HDAC11: variants seen among roughly 807,000 people sequenced by gnomAD.
HDAC11 encodes histone deacetylase 11.
Under a neutral mutation model 41.1 loss-of-function variants are expected in HDAC11, and 23 were observed. The observed-to-expected ratio is 0.56, with a 90% CI of 0.40 to 0.79. HDAC11 has a LOEUF of 0.79. Among genes scored for constraint, HDAC11 ranks in the 30% least tolerant of loss-of-function variants. HDAC11 has a pLI of 0.00. For synonymous variants in HDAC11, 187 were observed against 186.6 expected (o/e 1.00, Z -0.02); for missense variants, 402 against 477.3 (o/e 0.84, Z 1.47).
At chr3:13,494,083 T>C (rs1701981347) in intron 3 of HDAC11, among the ~76,000 whole-genome samples, 1 of 152,242 alleles carries the variant, frequency 6.6e-6, no homozygotes. Context: ...GCATAAGCCA[T>C]GCTTCCCAAA....
intron 3 of HDAC11, among the ~76,000 whole-genome samples, chr3:13,490,154 T>G (rs1040216861): frequency 2.7e-4 from 41 of 152,168 alleles, no homozygotes; most frequent in Non-Finnish European, 5.1e-4. Flanking sequence ...GCACCACGCC[T>G]AGCTAATTTT....
chr3:13,498,619 GCT>G, intron 5 of HDAC11, 64 bp downstream of exon 5: 2 of 1,506,710 alleles, frequency 1.3e-6, no homozygotes, highest in South Asian at 1.1e-5. Context: ...CTGAAAGGGG[GCT>G]GGGGGAGGGC....
intron 3 of HDAC11, 180 bp from the exon 4 acceptor site, chr3:13,496,556 A>G: frequency 1.8e-6 from 1 of 549,072 alleles, no homozygotes; most frequent in Non-Finnish European, 3.3e-6. Context: ...AGAGCTTGCC[A>G]GGAGCCTGGT....
intron 8 of HDAC11, chr3:13,503,366 A>G (rs190834780): frequency 3.5e-3 from 599 of 171,824 alleles, no homozygotes; most frequent in Non-Finnish European, 5.5e-3. Flanking sequence ...GGAGTTTGAG[A>G]CCAGCCTGAC....
At chr3:13,486,015 C>A (rs1701545974) in intron 3 of HDAC11, among the ~76,000 whole-genome samples, 1 of 152,082 alleles carries the variant, frequency 6.6e-6, no homozygotes. Flanking sequence ...TGCCTGTAAT[C>A]CCAGCACTTT....
intron 5 of HDAC11, among the ~76,000 whole-genome samples, chr3:13,499,548 A>C (rs559908968): frequency 1.3e-5 from 2 of 152,344 alleles, no homozygotes; most frequent in Admixed American, 1.3e-4. Context: ...CCATGGAAAG[A>C]TGCGTACTGG....
intron 3 of HDAC11, among the ~76,000 whole-genome samples, chr3:13,493,060 C>T (rs1701937087): frequency 6.6e-6 from 1 of 152,212 alleles, no homozygotes; most frequent in African/African-American, 2.4e-5. Context: ...AGTGCCCTTG[C>T]CCAGGGCGAG....
At chr3:13,500,382 C>T (rs56169648) in intron 5 of HDAC11, among the ~76,000 whole-genome samples, 3,312 of 152,304 alleles carry the variant, frequency 0.022, 38 homozygotes, top group African/African-American at 0.031. Flanking sequence ...TACCACCACT[C>T]CTTCCTGGAG....
In HDAC11 at chr3:13,480,762, G is replaced by T. The variant is rs1184438572; in HGVS notation, c.2+413G>T. ...CGGGGTCAGGGGATCCCCGCCCCCC[G>T]CCCTGGCTCAGGTTGGGTCCCGACT... On this transcript the variant is annotated intron_variant, in intron 1 of 9. Coordinates refer to ENST00000295757, the MANE Select transcript of HDAC11 (RefSeq NM_024827.4). The surrounding 1 kb of genome is among the most constrained non-coding windows in gnomAD (Gnocchi z 4.6). 1 of 468,874 alleles carries T rather than the reference G, an allele frequency of 2.1e-6. No individual in the cohort carries two copies. The highest frequency in any genetic ancestry group is 7.2e-5 in the East Asian group (1 of 13,942). The allele number at this position is 468,874 out of a possible 1,614,324, so 29.0% of individuals were successfully genotyped here. A position where few individuals can be genotyped will look rare whatever the true frequency, so the allele number is the denominator to read the frequency against.
Position 13,484,533 on chromosome 3 carries a change from A to ATT in HDAC11, c.252+978_252+979dup, listed in dbSNP as rs5846808. Among the ~76,000 whole-genome samples, 178 of 150,050 alleles carry ATT rather than the reference A, an allele frequency of 1.2e-3. 2 individuals are homozygous for ATT. In the East Asian group the frequency reaches 0.033, roughly 28 times the overall value. The stretch of plus-strand genomic sequence containing the variant: ...CCAGATTATTAAGTGACATTTCCTG[A>ATT]TTTTTTTTTTGAGACTGAGTCTCGC... On this transcript the variant is annotated intron_variant, in intron 3 of 9. Coordinates refer to ENST00000295757, the MANE Select transcript of HDAC11 (RefSeq NM_024827.4).
At chr3:13,496,061 G>A (rs1251611475) in intron 3 of HDAC11, among the ~76,000 whole-genome samples, 2 of 152,214 alleles carry the variant, frequency 1.3e-5, no homozygotes, top group African/African-American at 4.8e-5. Context: ...ATGGCTTGGG[G>A]TTTGGGTTCA....
At chr3:13,498,466 G>T in intron 4 of HDAC11, 47 bp from the exon 5 acceptor site, 1 of 1,611,514 alleles carries the variant, frequency 6.2e-7, no homozygotes, top group South Asian at 1.1e-5. Context: ...ATGAATGACT[G>T]GTGGATCGGC....
chr3:13,502,961 A>T lies in HDAC11; in HGVS notation c.630A>T (p.Pro210=), dbSNP rs1202021455. 1 of 1,613,618 alleles carries T rather than the reference A, an allele frequency of 6.2e-7. No individual in the cohort carries two copies. The highest frequency in any genetic ancestry group is 2.2e-5 in the East Asian group (1 of 44,856). ...IMDVYNRHIY[P]GDRFAKQAIR... ...ATGTCTACAACCGCCACATCTACCC[A>T]GGGGACCGCTTTGCCAAGCGTAAGC... Residue 210 remains proline (P), a synonymous_variant, in exon 8 of 10, where the codon CCA becomes CCT. Transcript: ENST00000295757. This position sits in a 1 kb window ranked among gnomAD's most constrained non-coding sequence, Gnocchi z 4.1.
At chr3:13,485,477 A>T (rs1237137765) in intron 3 of HDAC11, among the ~76,000 whole-genome samples, 1 of 152,174 alleles carries the variant, frequency 6.6e-6, no homozygotes, top group Non-Finnish European at 1.5e-5. Flanking sequence ...AAACCAAAAC[A>T]GAATGGTGTG....
chr3:13,495,361 A>G (rs1174150293), intron 3 of HDAC11, among the ~76,000 whole-genome samples: 1 of 151,956 alleles, frequency 6.6e-6, no homozygotes, highest in East Asian at 1.9e-4. Context: ...TGGCTGCCCC[A>G]GGGGCTGACT....
chr3:13,494,978 C>G (rs994929906), intron 3 of HDAC11, among the ~76,000 whole-genome samples: 1 of 152,076 alleles, frequency 6.6e-6, no homozygotes, highest in Non-Finnish European at 1.5e-5. Context: ...CCTGGCCACC[C>G]TCTCCCTGCC....
At chr3:13,482,187 C>T (rs745519363) in intron 2 of HDAC11, among the ~76,000 whole-genome samples, 6 of 152,260 alleles carry the variant, frequency 3.9e-5, no homozygotes, top group South Asian at 4.1e-4. Flanking sequence ...AATGATGCTT[C>T]GAAGAGCATA....
Position 13,480,729 on chromosome 3 carries a change from C to A in HDAC11, c.2+380C>A. ...GCCAGGGTGTGATGGGAAGGGTTAG[C>A]AGCGCAGCGGGGTCAGGGGATCCCC... On this transcript the variant is annotated intron_variant, in intron 1 of 9. Coordinates refer to ENST00000295757, the MANE Select transcript of HDAC11 (RefSeq NM_024827.4). The surrounding 1 kb of genome is among the most constrained non-coding windows in gnomAD (Gnocchi z 4.6). 1 of 485,330 alleles carries A rather than the reference C, an allele frequency of 2.1e-6. No homozygotes were observed. The highest frequency in any genetic ancestry group is 4.2e-6 in the Non-Finnish European group (1 of 238,132). 30.1% of individuals were successfully genotyped at this position (485,330 alleles called of 1,614,324 possible).
Position 13,498,537 on chromosome 3 carries a change from G to T in HDAC11, c.394G>T (p.Gly132Cys). Residue 132 changes from glycine (G) to cysteine (C), a missense_variant, in exon 5 of 10, where the codon GGC (glycine) becomes TGC (cysteine). By Grantham distance (159) the Gly-to-Cys change is radical. Transcript: ENST00000295757. ...IMAGKLAVER[G>C]WAINVGGGFH... Reference sequence around the variant, plus strand: ...GGCGGGGAAGCTGGCTGTGGAGCGAGGCTGGGCCATCAACGTGGGTGAGTG... The same window carrying T: ...GGCGGGGAAGCTGGCTGTGGAGCGATGCTGGGCCATCAACGTGGGTGAGTG... 6.2e-7 allele frequency: 1 copy of T among 1,614,070 alleles called. No homozygotes were observed.
Sources: gnomAD v4.1 joint callset for allele counts (sites outside exome capture counted in the v4.1 genomes callset) on GRCh38, gnomAD v4.1.1 for gene constraint, Gnocchi (gnomAD v3.1) non-coding constraint, MANE v1.5 for transcripts, NCBI Gene and HGNC (gene_info 2026-07-23, HGNC 2026-07-21) for gene names.